The following GRIK4 variants were observed in gnomAD, a reference collection of about 807,000 sequenced individuals.
The protein encoded by GRIK4 is glutamate ionotropic receptor kainate type subunit 4, also known as glutamate receptor ionotropic, kainate 4.
In GRIK4, 40 loss-of-function variants were observed where a neutral mutation model predicts 104.9. The ratio of observed to expected loss-of-function variants is 0.38; its 90% CI spans 0.30 to 0.50. GRIK4 has a LOEUF of 0.50. Ranked by LOEUF, GRIK4 falls within the 20% of genes least tolerant of loss-of-function variation. The pLI, the probability that GRIK4 is intolerant of heterozygous loss-of-function variation, is 0.93. For synonymous variants in GRIK4, 485 were observed against 524.9 expected (o/e 0.92, Z 1.04); for missense variants, 1,047 against 1,308.1 (o/e 0.80, Z 3.08).
intron 18 of GRIK4, among the ~76,000 whole-genome samples, chr11:120,966,292 T>C (rs1944382397): frequency 6.6e-6 from 1 of 152,180 alleles, no homozygotes; most frequent in Non-Finnish European, 1.5e-5. Flanking sequence ...GTGGCTCTTC[T>C]CTCATTGATT....
At chr11:120,716,016 A>T (rs1323168476) in intron 3 of GRIK4, among the ~76,000 whole-genome samples, 1 of 152,056 alleles carries the variant, frequency 6.6e-6, no homozygotes, top group Non-Finnish European at 1.5e-5. Context: ...GCATGTGGGC[A>T]GTGGGGGAAG....
intron 3 of GRIK4, among the ~76,000 whole-genome samples, chr11:120,794,939 A>G (rs953274958): frequency 6.6e-6 from 1 of 152,040 alleles, no homozygotes; most frequent in Non-Finnish European, 1.5e-5. Flanking sequence ...CAAGGGGCTG[A>G]AGAGTGGGAC....
chr11:120,721,875 G>A (rs982358884), intron 3 of GRIK4, among the ~76,000 whole-genome samples: 4 of 152,058 alleles, frequency 2.6e-5, no homozygotes, highest in African/African-American at 9.7e-5. Context: ...TGAAAGACAC[G>A]GTTAATACCA....
intron 3 of GRIK4, among the ~76,000 whole-genome samples, chr11:120,729,472 A>C (rs1951090226): frequency 6.6e-6 from 1 of 152,200 alleles, no homozygotes. Flanking sequence ...GTGAGATGAT[A>C]TCTTGCTGTA....
chr11:120,566,612 T>C (rs1331205537), intron 1 of GRIK4, among the ~76,000 whole-genome samples: 1 of 152,196 alleles, frequency 6.6e-6, no homozygotes, highest in East Asian at 1.9e-4. Flanking sequence ...AATAAAGTGG[T>C]TTCATTACTG....
At chr11:120,809,514 G>A (rs970656229) in intron 4 of GRIK4, among the ~76,000 whole-genome samples, 9 of 152,234 alleles carry the variant, frequency 5.9e-5, no homozygotes, top group Non-Finnish European at 1.0e-4. Flanking sequence ...GAAATCCCCA[G>A]GCCATAGCCA....
At chr11:120,658,293 T>G (rs1591776112) in intron 2 of GRIK4, among the ~76,000 whole-genome samples, 1 of 152,238 alleles carries the variant, frequency 6.6e-6, no homozygotes, top group East Asian at 1.9e-4. Context: ...TGCTGGACAT[T>G]TGGGTGGTTT....
At chr11:120,676,558 C>G (rs1950102316) in intron 3 of GRIK4, among the ~76,000 whole-genome samples, 1 of 152,284 alleles carries the variant, frequency 6.6e-6, no homozygotes, top group Non-Finnish European at 1.5e-5. Flanking sequence ...GAGGGAAAAA[C>G]CTGACGGGTG....
At chr11:120,764,585 T>TTTTTTG (rs201374943) in intron 3 of GRIK4, among the ~76,000 whole-genome samples, 1 of 140,448 alleles carries the variant, frequency 7.1e-6, no homozygotes, top group African/African-American at 3.1e-5. Context: ...TTGATACCAG[T>TTTTTTG]TTTTTGTTTT....
chr11:120,920,565 C>T (rs989449663), intron 13 of GRIK4, among the ~76,000 whole-genome samples: 11 of 152,092 alleles, frequency 7.2e-5, no homozygotes, highest in Non-Finnish European at 1.0e-4. Flanking sequence ...GGGAGAGGCC[C>T]AGCAGCCTTC....
At chr11:120,855,667 C>G (rs1458221034) in intron 8 of GRIK4, among the ~76,000 whole-genome samples, 1 of 151,796 alleles carries the variant, frequency 6.6e-6, no homozygotes, top group Admixed American at 6.6e-5. Flanking sequence ...AAGCGATTAT[C>G]CTGCCTCAGA....
chr11:120,967,420 C>G lies in GRIK4; in HGVS notation c.2395+97C>G. 7.4e-7 allele frequency: 1 copy of G among 1,348,070 alleles called. No homozygotes were observed. Among genetic ancestry groups the G allele is most frequent in the Admixed American group, 2.3e-5 (1 of 44,432 alleles). The allele number at this position is 1,348,070 out of a possible 1,614,324, so 83.5% of individuals were successfully genotyped here. ...CAGGTACACATAATGACTTGTAGGA[C>G]CCATTGAGAACGGCCTTGGAAGGAA... On this transcript the variant is annotated intron_variant, in intron 19 of 20. Transcript: ENST00000527524. This position sits in a 1 kb window ranked among gnomAD's most constrained non-coding sequence, Gnocchi z 4.2.
chr11:120,889,588 CATTTTTTTT>C lies in GRIK4; in HGVS notation c.1165-8943_1165-8935del, dbSNP rs1272335127. On this transcript the variant is annotated intron_variant, in intron 11 of 20. Coordinates refer to ENST00000527524, the MANE Select transcript of GRIK4 (RefSeq NM_014619.5). ...AATAGAATAAAATAGAAAGAGCTTA[CATTTTTTTT>C]TTTTTTTTTTTTTTTTTTTTTTATG... 1.3e-3 allele frequency among the ~76,000 whole-genome samples: 86 copies of C among 67,144 alleles called. 6 individuals are homozygous for C. In the East Asian group the frequency reaches 0.014, roughly 11 times the overall value. The allele number at this position is 67,144 out of a possible 152,430, so 44.0% of individuals were successfully genotyped here.
chr11:120,561,254 G>A (rs761683784), intron 1 of GRIK4, among the ~76,000 whole-genome samples: 13 of 152,098 alleles, frequency 8.5e-5, no homozygotes, highest in African/African-American at 2.2e-4. Flanking sequence ...GGGTTGCTGC[G>A]GGTCATCAGC....
rs1215646235 is a variant in GRIK4 at position 120,903,017 on chromosome 11, C to T, written c.1273-2273C>T. ...CTTCATCACGCCCACATCCTGCTCTCCCTCACAGTCCCTCCATGACCTTGT... is the reference window on the plus strand; with the variant it reads ...CTTCATCACGCCCACATCCTGCTCTTCCTCACAGTCCCTCCATGACCTTGT... On this transcript the variant is annotated intron_variant, in intron 12 of 20. Transcript: ENST00000527524. This position sits in a 1 kb window ranked among gnomAD's most constrained non-coding sequence, Gnocchi z 4.4. 6.6e-6 allele frequency among the ~76,000 whole-genome samples: 1 copy of T among 152,178 alleles called. No homozygotes were observed. Among genetic ancestry groups the T allele is most frequent in the Admixed American group, 6.5e-5 (1 of 15,286 alleles).
chr11:120,863,864 G>A (rs1425577337), intron 9 of GRIK4, among the ~76,000 whole-genome samples: 1 of 152,204 alleles, frequency 6.6e-6, no homozygotes, highest in African/African-American at 2.4e-5. Flanking sequence ...ATCTCAGGAA[G>A]GAAGGGGTAG....
Position 120,531,875 on chromosome 11 carries a change from C to T in GRIK4, c.-159+19988C>T, listed in dbSNP as rs544449370. 1.0e-3 allele frequency among the ~76,000 whole-genome samples: 156 copies of T among 152,272 alleles called. 1 individual carries two copies. Among genetic ancestry groups the T allele is most frequent in the African/African-American group, 3.6e-3 (148 of 41,550 alleles). On this transcript the variant is annotated intron_variant, in intron 1 of 20. Transcript: ENST00000527524. ...ACAGGTGTGAGCCACCGTGCCCAGC[C>T]TGCCTGTTTCTCTTAGCACCTTGCA...
intron 3 of GRIK4, among the ~76,000 whole-genome samples, chr11:120,667,460 G>A (rs938091422): frequency 2.0e-5 from 3 of 152,256 alleles, no homozygotes; most frequent in African/African-American, 4.8e-5. Flanking sequence ...TGGGCGGGAC[G>A]CGTGCGTGTG....
At chr11:120,537,337 C>T (rs773453824) in intron 1 of GRIK4, among the ~76,000 whole-genome samples, 3 of 152,096 alleles carry the variant, frequency 2.0e-5, no homozygotes, top group African/African-American at 4.8e-5. Flanking sequence ...TGGTCAGAGG[C>T]GGAAACTCAG....
Sources: gnomAD v4.1 joint callset for allele counts (sites outside exome capture counted in the v4.1 genomes callset) on GRCh38, gnomAD v4.1.1 for gene constraint, Gnocchi (gnomAD v3.1) non-coding constraint, MANE v1.5 for transcripts, NCBI Gene and HGNC (gene_info 2026-07-23, HGNC 2026-07-21) for gene names.